SPAG16: variants seen among roughly 807,000 people sequenced by gnomAD.
The protein encoded by SPAG16 is sperm-associated antigen 16 protein.
Under a neutral mutation model 80.4 loss-of-function variants are expected in SPAG16, and 86 were observed. The observed-to-expected ratio is 1.07, with a 90% CI of 0.90 to 1.28. SPAG16 has a LOEUF of 1.28. Ranked by LOEUF, SPAG16 falls within the 50% of genes most tolerant of loss-of-function variation. SPAG16 has a pLI of 0.00. For synonymous variants in SPAG16, 294 were observed against 265.9 expected (o/e 1.11, Z -1.03); for missense variants, 870 against 765.3 (o/e 1.14, Z -1.61).
intron 10 of SPAG16, among the ~76,000 whole-genome samples, chr2:213,612,506 T>C (rs1353900871): frequency 6.6e-6 from 1 of 152,188 alleles, no homozygotes; most frequent in African/African-American, 2.4e-5. Context: ...CATGTGCAGA[T>C]ATAACCTTCT....
At chr2:213,976,109 G>T (rs73987103) in intron 12 of SPAG16, among the ~76,000 whole-genome samples, 1,578 of 121,482 alleles carry the variant, frequency 0.013, 54 homozygotes, top group African/African-American at 0.05. Context: ...CAGTGAGGGA[G>T]ATATATATAT....
At chr2:213,425,050 A>T (rs2125452852) in intron 9 of SPAG16, among the ~76,000 whole-genome samples, 1 of 152,320 alleles carries the variant, frequency 6.6e-6, no homozygotes, top group Middle Eastern at 3.4e-3. Flanking sequence ...ATAGCCAGGC[A>T]CGGTGGCTCA....
intron 13 of SPAG16, among the ~76,000 whole-genome samples, chr2:214,040,735 T>A (rs950137949): frequency 1.3e-5 from 2 of 152,072 alleles, no homozygotes; most frequent in Non-Finnish European, 2.9e-5. Context: ...TGTTTTTATT[T>A]CTTTATTTAT....
chr2:214,041,431 G>A (rs1260813252), intron 13 of SPAG16, among the ~76,000 whole-genome samples: 2 of 144,998 alleles, frequency 1.4e-5, no homozygotes, highest in Non-Finnish European at 3.0e-5. Context: ...AATGGTCTAG[G>A]TTGGTGATTT....
intron 15 of SPAG16, among the ~76,000 whole-genome samples, chr2:214,400,995 GAA>G (rs1021893631): frequency 2.6e-4 from 40 of 151,990 alleles, no homozygotes; most frequent in African/African-American, 9.4e-4. Context: ...AAAAATGCTG[GAA>G]AAGTTTTTAA....
intron 10 of SPAG16, among the ~76,000 whole-genome samples, chr2:213,511,839 T>G (rs1007903605): frequency 6.6e-6 from 1 of 152,084 alleles, no homozygotes; most frequent in Non-Finnish European, 1.5e-5. Flanking sequence ...TAAAACAGGG[T>G]GGCCAATCTA....
At chr2:214,292,473 C>T (rs1693866862) in intron 15 of SPAG16, among the ~76,000 whole-genome samples, 1 of 151,956 alleles carries the variant, frequency 6.6e-6, no homozygotes, top group African/African-American at 2.4e-5. Context: ...ATTTTTATTT[C>T]ATTTAATAAA....
At position 214,396,998 on chromosome 2, in the gene SPAG16, T is replaced by C. The variant is rs976715195; in HGVS notation, c.1721-13142T>C. ...TGTATGTTTCTAATTTTAGAGTTTATAAAAATTTTATTCTGTTTAATATAA... is the reference window on the plus strand; with the variant it reads ...TGTATGTTTCTAATTTTAGAGTTTACAAAAATTTTATTCTGTTTAATATAA... On this transcript the variant is annotated intron_variant, in intron 15 of 15. Transcript: ENST00000331683. Among the ~76,000 whole-genome samples, 10 of 152,088 alleles carry C rather than the reference T, an allele frequency of 6.6e-5. No homozygotes were observed. The East Asian group carries it at 1.9e-3, about 29-fold the overall frequency.
intron 10 of SPAG16, among the ~76,000 whole-genome samples, chr2:213,612,907 C>T (rs1023993633): frequency 1.2e-4 from 19 of 152,010 alleles, no homozygotes; most frequent in Admixed American, 2.0e-4. Context: ...TCCTGACCTC[C>T]GGCAATCCGC....
chr2:213,308,484 A>T (rs1559394122), intron 3 of SPAG16, among the ~76,000 whole-genome samples: 2 of 152,116 alleles, frequency 1.3e-5, no homozygotes, highest in Non-Finnish European at 2.9e-5. Context: ...GATATTTTGA[A>T]AATATGATTT....
intron 10 of SPAG16, among the ~76,000 whole-genome samples, chr2:213,620,474 A>G (rs1242433313): frequency 2.6e-5 from 4 of 151,516 alleles, no homozygotes; most frequent in Non-Finnish European, 2.9e-5. Flanking sequence ...TTGTATTTTT[A>G]GTAGAGATAG....
intron 15 of SPAG16, among the ~76,000 whole-genome samples, chr2:214,190,343 A>G (rs1437657324): frequency 2.6e-5 from 4 of 152,080 alleles, no homozygotes; most frequent in African/African-American, 9.7e-5. Context: ...ATATAGGAGA[A>G]ATAATTTGAA....
chr2:213,885,621 T>C (rs1255198062), intron 11 of SPAG16, among the ~76,000 whole-genome samples: 2 of 152,166 alleles, frequency 1.3e-5, no homozygotes, highest in Non-Finnish European at 2.9e-5. Flanking sequence ...CTTAAGGCAA[T>C]GTGATAGCCA....
At chr2:214,188,448 T>A (rs1310210873) in intron 15 of SPAG16, among the ~76,000 whole-genome samples, 1 of 152,208 alleles carries the variant, frequency 6.6e-6, no homozygotes, top group Admixed American at 6.5e-5. Flanking sequence ...TACATTTAGA[T>A]CTGATTCTTC....
chr2:213,366,002 C>T (rs1404589490), intron 8 of SPAG16, among the ~76,000 whole-genome samples: 2 of 149,690 alleles, frequency 1.3e-5, no homozygotes, highest in East Asian at 2.0e-4. Flanking sequence ...ATTAGCTGGG[C>T]GTAGTGGCGG....
chr2:213,552,510 C>T (rs532331189), intron 10 of SPAG16, among the ~76,000 whole-genome samples: 1 of 152,304 alleles, frequency 6.6e-6, no homozygotes, highest in East Asian at 1.9e-4. Flanking sequence ...CTCAACTCAA[C>T]TGTTTCTGTG....
chr2:213,447,870 C>A (rs1370182941), intron 9 of SPAG16, among the ~76,000 whole-genome samples: 3 of 152,230 alleles, frequency 2.0e-5, no homozygotes, highest in Non-Finnish European at 4.4e-5. Context: ...ATACCAGTAA[C>A]TTTACCCAGA....
intron 11 of SPAG16, among the ~76,000 whole-genome samples, chr2:213,920,569 G>T (rs1327863370): frequency 1.3e-5 from 2 of 152,174 alleles, no homozygotes; most frequent in Non-Finnish European, 2.9e-5. Context: ...GGACCTCTCT[G>T]CCAGTCAGGC....
chr2:214,033,791 AC>A (rs1461089951), intron 13 of SPAG16, among the ~76,000 whole-genome samples: 6 of 152,210 alleles, frequency 3.9e-5, no homozygotes, highest in African/African-American at 1.4e-4. Context: ...CTCTAAATAC[AC>A]CTCCAAATAT....
Sources: gnomAD v4.1 joint callset for allele counts (sites outside exome capture counted in the v4.1 genomes callset) on GRCh38, gnomAD v4.1.1 for gene constraint, MANE v1.5 for transcripts, NCBI Gene and HGNC (gene_info 2026-07-23, HGNC 2026-07-21) for gene names.